The following IMMP2L variants were observed in gnomAD, a reference collection of about 807,000 sequenced individuals.
The protein encoded by IMMP2L is inner mitochondrial membrane peptidase subunit 2, also known as mitochondrial inner membrane protease subunit 2.
IMMP2L carries 18 observed loss-of-function variants against 19.3 expected under a neutral mutation model. That is an observed-to-expected ratio of 0.93 (90% CI 0.64 to 1.38). The LOEUF (loss-of-function observed/expected upper bound fraction) is 1.38. IMMP2L is among the 40% of genes most tolerant of loss of function. The pLI, the probability that IMMP2L is intolerant of heterozygous loss-of-function variation, is 0.00. For missense variants in IMMP2L, 233 were observed against 218.2 expected (o/e 1.07, Z -0.43); for synonymous variants, 76 against 73.0 (o/e 1.04, Z -0.21).
chr7:111,281,200 AAG>A (rs1296373134), intron 3 of IMMP2L, among the ~76,000 whole-genome samples: 194 of 50,430 alleles, frequency 3.8e-3, no homozygotes, highest in East Asian at 7.8e-3. Flanking sequence ...GAAAGAAAGA[AAG>A]AAAGAAAGAA....
At chr7:111,209,682 A>G (rs1811108236) in intron 3 of IMMP2L, among the ~76,000 whole-genome samples, 1 of 152,168 alleles carries the variant, frequency 6.6e-6, no homozygotes, top group Admixed American at 6.5e-5. Flanking sequence ...TGTGTTAAAT[A>G]AGTCTCTAAA....
At chr7:110,755,081 T>G (rs144854718) in intron 5 of IMMP2L, among the ~76,000 whole-genome samples, 1 of 152,026 alleles carries the variant, frequency 6.6e-6, no homozygotes, top group Non-Finnish European at 1.5e-5. Flanking sequence ...ATCTGCAACA[T>G]AAGCTATGGG....
chr7:111,379,423 G>T (rs956738557), intron 3 of IMMP2L, among the ~76,000 whole-genome samples: 1 of 151,608 alleles, frequency 6.6e-6, no homozygotes, highest in Non-Finnish European at 1.5e-5. Context: ...TTTAAAAACT[G>T]CAAAATATGT....
At chr7:111,126,343 T>C (rs1801307470) in intron 3 of IMMP2L, among the ~76,000 whole-genome samples, 1 of 152,172 alleles carries the variant, frequency 6.6e-6, no homozygotes, top group Admixed American at 6.5e-5. Flanking sequence ...ATAGCATTAG[T>C]AGTAGAAGTT....
chr7:110,912,579 C>T (rs936471893), intron 4 of IMMP2L, among the ~76,000 whole-genome samples: 9 of 151,404 alleles, frequency 5.9e-5, no homozygotes, highest in African/African-American at 1.9e-4. Context: ...GAAGGAGACA[C>T]ATTTAAAGTT....
chr7:111,516,913 G>C (rs1192974512), intron 2 of IMMP2L, among the ~76,000 whole-genome samples: 5 of 152,088 alleles, frequency 3.3e-5, no homozygotes, highest in Admixed American at 6.6e-5. Flanking sequence ...AGGAGGAAAT[G>C]TGTGCCAGCT....
chr7:111,521,784 CCT>C (rs1285453552), intron 1 of IMMP2L, among the ~76,000 whole-genome samples: 1 of 152,180 alleles, frequency 6.6e-6, no homozygotes, highest in Non-Finnish European at 1.5e-5. Flanking sequence ...TCCTTATACC[CCT>C]GATATCTGTT....
chr7:110,901,618 C>T lies in IMMP2L; in HGVS notation c.306-14923G>A, dbSNP rs1438925240. On this transcript the variant is annotated intron_variant, in intron 4 of 5. Coordinates refer to ENST00000405709, the MANE Select transcript of IMMP2L (RefSeq NM_032549.4). Reference sequence around the variant, plus strand: ...TATATTCTCCCTTGTGGACATTTTACCCATACTGATGGAAGCTTCATTTAC... The same window carrying T: ...TATATTCTCCCTTGTGGACATTTTATCCATACTGATGGAAGCTTCATTTAC... Among the ~76,000 whole-genome samples the T allele has an allele frequency of 9.2e-5, 14 of 152,086 alleles. 1 individual carries two copies. The highest frequency in any genetic ancestry group is 9.2e-4 in the Admixed American group (14 of 15,250).
intron 3 of IMMP2L, among the ~76,000 whole-genome samples, chr7:111,214,506 T>G (rs1811709631): frequency 1.1e-5 from 1 of 89,594 alleles, no homozygotes; most frequent in Admixed American, 1.0e-4. Flanking sequence ...CCAAATCTGT[T>G]TTTTTTTTTT....
chr7:110,991,111 C>A (rs1296778343), intron 3 of IMMP2L, among the ~76,000 whole-genome samples: 1 of 152,118 alleles, frequency 6.6e-6, no homozygotes, highest in East Asian at 1.9e-4. Context: ...CAAACCACAT[C>A]ATTTAGGATG....
At chr7:111,494,377 G>A (rs538247415) in intron 2 of IMMP2L, among the ~76,000 whole-genome samples, 34 of 152,252 alleles carry the variant, frequency 2.2e-4, no homozygotes, top group Middle Eastern at 6.8e-3. Context: ...CTCACCCAAG[G>A]TGGGCAGACA....
intron 2 of IMMP2L, among the ~76,000 whole-genome samples, chr7:111,519,088 G>A (rs557789439): frequency 6.6e-6 from 1 of 152,236 alleles, no homozygotes; most frequent in South Asian, 2.1e-4. Flanking sequence ...GACCCAAGCT[G>A]AATACATCAC....
intron 3 of IMMP2L, among the ~76,000 whole-genome samples, chr7:111,467,831 C>G (rs1840826877): frequency 6.6e-6 from 1 of 152,078 alleles, no homozygotes; most frequent in East Asian, 1.9e-4. Flanking sequence ...TTAAAGGTCT[C>G]CAAGAAGTAG....
chr7:111,042,983 T>C (rs1379201637), intron 3 of IMMP2L, among the ~76,000 whole-genome samples: 1 of 152,100 alleles, frequency 6.6e-6, no homozygotes, highest in Non-Finnish European at 1.5e-5. Context: ...AAACAATAAA[T>C]GTCAAAAGTG....
chr7:111,187,647 A>T (rs1808416850), intron 3 of IMMP2L, among the ~76,000 whole-genome samples: 1 of 152,152 alleles, frequency 6.6e-6, no homozygotes, highest in Non-Finnish European at 1.5e-5. Flanking sequence ...CATTTCAAGT[A>T]ATAATAATCA....
intron 3 of IMMP2L, among the ~76,000 whole-genome samples, chr7:111,251,954 A>G (rs1431272890): frequency 6.6e-6 from 1 of 152,120 alleles, no homozygotes; most frequent in East Asian, 1.9e-4. Context: ...TTATTCCCTA[A>G]TATTAAACTT....
At chr7:111,393,340 A>C (rs1030328720) in intron 3 of IMMP2L, among the ~76,000 whole-genome samples, 1 of 152,178 alleles carries the variant, frequency 6.6e-6, no homozygotes, top group African/African-American at 2.4e-5. Context: ...TTACAAGTGA[A>C]TAGCCAGTTA....
intron 5 of IMMP2L, among the ~76,000 whole-genome samples, chr7:110,880,992 T>C (rs1465079496): frequency 6.6e-6 from 1 of 152,122 alleles, no homozygotes; most frequent in Non-Finnish European, 1.5e-5. Flanking sequence ...AGACTGCCTC[T>C]TCTCTTGGGG....
intron 3 of IMMP2L, among the ~76,000 whole-genome samples, chr7:111,395,904 G>A (rs1467800937): frequency 6.6e-6 from 1 of 152,138 alleles, no homozygotes; most frequent in Non-Finnish European, 1.5e-5. Flanking sequence ...CTGGTCATTA[G>A]AGAAATGCAA....
Sources: gnomAD v4.1 joint callset for allele counts (sites outside exome capture counted in the v4.1 genomes callset) on GRCh38, gnomAD v4.1.1 for gene constraint, MANE v1.5 for transcripts, NCBI Gene and HGNC (gene_info 2026-07-23, HGNC 2026-07-21) for gene names.